RALGAPA1: variants seen among roughly 807,000 people sequenced by gnomAD.
RALGAPA1 encodes Ral GTPase activating protein catalytic subunit alpha 1.
RALGAPA1 carries 52 observed loss-of-function variants against 269.6 expected under a neutral mutation model. The observed-to-expected ratio is 0.19, with a 90% CI of 0.15 to 0.24. The LOEUF (loss-of-function observed/expected upper bound fraction) is 0.24, where lower values mean the gene tolerates loss of function less well. Ranked by LOEUF, RALGAPA1 falls within the 10% of genes least tolerant of loss-of-function variation. RALGAPA1 has a pLI of 1.00. For missense variants in RALGAPA1, 1,917 were observed against 3,013.9 expected (o/e 0.64, Z 8.52); for synonymous variants, 817 against 1,008.3 (o/e 0.81, Z 3.60).
intron 26 of RALGAPA1, among the ~76,000 whole-genome samples, chr14:35,666,862 A>G (rs2063989677): frequency 3.3e-5 from 5 of 152,236 alleles, no homozygotes; most frequent in Admixed American, 3.3e-4. Flanking sequence ...GGAATACCCC[A>G]TTGAACAGTA....
At chr14:35,768,217 C>T (rs773571350) in intron 4 of RALGAPA1, among the ~76,000 whole-genome samples, 3 of 152,118 alleles carry the variant, frequency 2.0e-5, no homozygotes, top group Non-Finnish European at 4.4e-5. Flanking sequence ...GGACTACAGG[C>T]ACATACCAAC....
rs187654248 is a variant in RALGAPA1, at chr14:35,607,371, G to T, written c.6930-1662C>A. Among the ~76,000 whole-genome samples the T allele has an allele frequency of 3.3e-5, 5 of 152,260 alleles. No individual in the cohort carries two copies. In the East Asian group the frequency reaches 9.7e-4, roughly 29 times the overall value. ...ATCAGGGAAGAGACAGGTTACTAGA[G>T]GCATTTCTCATCCTTCTCTAGCCCC... is the stretch of plus-strand genomic sequence containing the variant. On this transcript the variant is annotated intron_variant, in intron 35 of 41. Transcript: ENST00000680220.
In RALGAPA1 at chr14:35,583,740, G is replaced by T. The variant is rs373946831; in HGVS notation, c.7210-11022C>A. Among the ~76,000 whole-genome samples the T allele has an allele frequency of 7.9e-5, 12 of 152,164 alleles. No individual in the cohort carries two copies. In the South Asian group the frequency reaches 1.7e-3, roughly 21 times the overall value. ...AAAATCTTACCTATAGAGTAGCAAA[G>T]ATAAAAATTACTTCTGATGTCTCAG... On this transcript the variant is annotated intron_variant, in intron 37 of 41. Transcript: ENST00000680220.
chr14:35,760,364 C>G (rs959631576), intron 6 of RALGAPA1, among the ~76,000 whole-genome samples: 3 of 152,198 alleles, frequency 2.0e-5, no homozygotes, highest in African/African-American at 7.2e-5. Flanking sequence ...CCTCCACACT[C>G]ACATTCAGGG....
chr14:35,666,182 T>C (rs1271865988), intron 26 of RALGAPA1, among the ~76,000 whole-genome samples: 1 of 151,866 alleles, frequency 6.6e-6, no homozygotes, highest in South Asian at 2.1e-4. Context: ...GTGCCACCAC[T>C]ACCAGAAAAA....
At chr14:35,682,575 G>A (rs2065547139) in intron 21 of RALGAPA1, among the ~76,000 whole-genome samples, 1 of 152,084 alleles carries the variant, frequency 6.6e-6, no homozygotes, top group Admixed American at 6.6e-5. Flanking sequence ...CAAAGTGCTG[G>A]GATTACAGGT....
Position 35,688,511 on chromosome 14 carries a change from T to A in RALGAPA1, c.3900A>T (p.Pro1300=). ...TTACATGACTGTACAGATCCCTCAG[T>A]GGAGCCTCTGGTGGCATTCTGTTCT... The part of the protein sequence containing the change: ...QRQNRMPPEA[P]LRDLYSHVMG... Residue 1300 remains proline, a synonymous_variant, in exon 18 of 42, where the codon CCA becomes CCT. Transcript: ENST00000680220. The A allele has an allele frequency of 6.5e-7, 1 of 1,536,148 alleles. No individual in the cohort carries two copies. Among genetic ancestry groups the A allele is most frequent in the Non-Finnish European group, 8.7e-7 (1 of 1,146,888 alleles).
intron 39 of RALGAPA1, among the ~76,000 whole-genome samples, chr14:35,553,535 A>G (rs971679690): frequency 6.6e-6 from 1 of 152,164 alleles, no homozygotes; most frequent in South Asian, 2.1e-4. Context: ...GTAATGTTAG[A>G]AAAGGGAAAG....
chr14:35,580,857 T>C (rs937533937), intron 37 of RALGAPA1, among the ~76,000 whole-genome samples: 4 of 152,192 alleles, frequency 2.6e-5, no homozygotes, highest in Admixed American at 6.5e-5. Context: ...GACTGTCGAC[T>C]ATCTAATTTA....
intron 1 of RALGAPA1, among the ~76,000 whole-genome samples, chr14:35,804,415 A>G (rs2077205017): frequency 6.6e-6 from 1 of 151,476 alleles, no homozygotes; most frequent in Non-Finnish European, 1.5e-5. Flanking sequence ...CTAAAAATAC[A>G]AAAATTAGCT....
intron 21 of RALGAPA1, among the ~76,000 whole-genome samples, chr14:35,678,857 C>T (rs1425845125): frequency 1.3e-5 from 2 of 152,150 alleles, no homozygotes; most frequent in African/African-American, 4.8e-5. Flanking sequence ...TATTTATTTT[C>T]CAGGTCTCTG....
In RALGAPA1 at chr14:35,605,573, T is replaced by C; in HGVS notation, c.7053+13A>G. 1 of 1,570,422 alleles carries C rather than the reference T, an allele frequency of 6.4e-7. No homozygotes were observed. Among genetic ancestry groups the C allele is most frequent in the Non-Finnish European group, 8.6e-7 (1 of 1,166,192 alleles). ...TCCAAATATAAATATTTCGTATAATTTAAAAATAATACCTCCCAACCAAGA... is the reference window on the plus strand; with the variant it reads ...TCCAAATATAAATATTTCGTATAATCTAAAAATAATACCTCCCAACCAAGA... On this transcript the variant is annotated intron_variant, in intron 36 of 41. Coordinates refer to ENST00000680220, the MANE Select transcript of RALGAPA1 (RefSeq NM_001346249.2).
chr14:35,585,161 T>C (rs764179982), intron 37 of RALGAPA1, among the ~76,000 whole-genome samples: 2 of 152,046 alleles, frequency 1.3e-5, no homozygotes, highest in Non-Finnish European at 2.9e-5. Context: ...CAACAAAGCA[T>C]CAAAATGCAT....
chr14:35,798,867 A>G (rs774252823), intron 1 of RALGAPA1, among the ~76,000 whole-genome samples: 2 of 152,102 alleles, frequency 1.3e-5, no homozygotes, highest in African/African-American at 4.8e-5. Context: ...GTAGTGGTAC[A>G]TGCCTGTAAT....
At chr14:35,619,886 T>TACAAACCAAAAACAGTCCAGGACC (rs1566840379) in intron 35 of RALGAPA1, among the ~76,000 whole-genome samples, 5 of 151,982 alleles carry the variant, frequency 3.3e-5, no homozygotes, top group African/African-American at 4.8e-5. Flanking sequence ...AGTCCAGGAC[T>TACAAACCAAAAACAGTCCAGGACC]ACAAACCAAA....
chr14:35,775,192 T>C (rs2074931357), intron 2 of RALGAPA1, 137 bp from the exon 3 acceptor site: 1 of 603,640 alleles, frequency 1.7e-6, no homozygotes, highest in South Asian at 2.3e-5. Context: ...CCATTCATTG[T>C]GTAGACAATA....
chr14:35,689,795 T>C lies in RALGAPA1; in HGVS notation c.2616A>G (p.Pro872=). 6.4e-7 allele frequency: 1 copy of C among 1,551,152 alleles called. No homozygotes were observed. The highest frequency in any genetic ancestry group is 8.6e-7 in the Non-Finnish European group (1 of 1,157,624). Residue 872 remains proline, a synonymous_variant, in exon 18 of 42, where the codon CCA becomes CCG. Transcript: ENST00000680220. ...AAGCCTCTGTGGAACTCTGCAAGCT[T>C]GGTGCATGACGGGATGAACTGTCAA... The part of the protein sequence containing the change: ...PVIDSSSRHA[P]SLQSSTEASS...
Position 35,786,876 on chromosome 14 carries a change from G to A in RALGAPA1, c.107-11131C>T, listed in dbSNP as rs141470244. Reference sequence around the variant, plus strand: ...AAAAATCATATCAGACGAGTAATGTGCCAACATCATAAAAAGGTTTGTGGG... The same window carrying A: ...AAAAATCATATCAGACGAGTAATGTACCAACATCATAAAAAGGTTTGTGGG... On this transcript the variant is annotated intron_variant, in intron 1 of 41. Transcript: ENST00000680220. 2.5e-3 allele frequency among the ~76,000 whole-genome samples: 387 copies of A among 152,114 alleles called. 2 individuals carry two copies. Among genetic ancestry groups the A allele is most frequent in the African/African-American group, 6.6e-3 (274 of 41,508 alleles).
chr14:35,685,199 C>A, intron 19 of RALGAPA1, 54 bp from the exon 20 acceptor site: 2 of 1,436,074 alleles, frequency 1.4e-6, no homozygotes, highest in Non-Finnish European at 9.4e-7. Context: ...TTCTCTTTAA[C>A]CATCTGAAAC....
Sources: allele counts gnomAD v4.1 joint callset (sites outside exome capture counted in the v4.1 genomes callset), GRCh38; gene constraint gnomAD v4.1.1; transcripts MANE v1.5; gene names NCBI Gene and HGNC (gene_info 2026-07-23, HGNC 2026-07-21).